The following MAN1A1 variants were observed in gnomAD, a reference collection of about 807,000 sequenced individuals.
The protein encoded by MAN1A1 is mannosyl-oligosaccharide 1,2-alpha-mannosidase IA.
A neutral mutation model predicts 70.8 loss-of-function variants in MAN1A1; 29 were observed. The ratio of observed to expected loss-of-function variants is 0.41; its 90% CI spans 0.31 to 0.56. The LOEUF (loss-of-function observed/expected upper bound fraction) is 0.56, where lower values mean the gene tolerates loss of function less well. Among genes scored for constraint, MAN1A1 ranks in the 20% least tolerant of loss-of-function variants. MAN1A1 has a pLI of 0.29. For synonymous variants in MAN1A1, 349 were observed against 330.1 expected (o/e 1.06, Z -0.62); for missense variants, 747 against 841.3 (o/e 0.89, Z 1.39).
At chr6:119,224,596 TTAACA>T (rs1156341346) in intron 6 of MAN1A1, among the ~76,000 whole-genome samples, 1 of 152,128 alleles carries the variant, frequency 6.6e-6, no homozygotes, top group Non-Finnish European at 1.5e-5. Context: ...CAAAAGCTAC[TTAACA>T]TATCTAAAAT....
intron 2 of MAN1A1, among the ~76,000 whole-genome samples, chr6:119,325,981 T>C (rs573478378): frequency 1.1e-4 from 17 of 152,270 alleles, no homozygotes; most frequent in African/African-American, 4.1e-4. Flanking sequence ...TGGGTAACAG[T>C]TTATGTTTGT....
At chr6:119,303,214 C>T (rs1193107816) in intron 3 of MAN1A1, among the ~76,000 whole-genome samples, 1 of 152,022 alleles carries the variant, frequency 6.6e-6, no homozygotes, top group African/African-American at 2.4e-5. Flanking sequence ...ACAGATGAGT[C>T]TTGCTATGTG....
chr6:119,288,355 T>C (rs1177973154), intron 5 of MAN1A1, among the ~76,000 whole-genome samples: 2 of 152,012 alleles, frequency 1.3e-5, no homozygotes, highest in East Asian at 3.8e-4. Flanking sequence ...GACACCTTAG[T>C]AAATTGTCTG....
chr6:119,196,524 T>C (rs1201621835), intron 8 of MAN1A1, among the ~76,000 whole-genome samples: 2 of 152,114 alleles, frequency 1.3e-5, no homozygotes, highest in African/African-American at 4.8e-5. Flanking sequence ...GGAAATAACA[T>C]AATATGGTAT....
intron 2 of MAN1A1, among the ~76,000 whole-genome samples, chr6:119,333,801 C>T (rs1424594875): frequency 4.6e-5 from 7 of 152,172 alleles, no homozygotes; most frequent in African/African-American, 1.7e-4. Context: ...CCATCTTCTT[C>T]CTAGTTTTCA....
intron 5 of MAN1A1, among the ~76,000 whole-genome samples, chr6:119,286,682 C>A (rs757294155): frequency 6.6e-6 from 1 of 152,046 alleles, no homozygotes; most frequent in Non-Finnish European, 1.5e-5. Flanking sequence ...AGTTCTTAAT[C>A]ATTTTGGCTT....
At chr6:119,237,727 T>A (rs1355274528) in intron 6 of MAN1A1, among the ~76,000 whole-genome samples, 1 of 152,192 alleles carries the variant, frequency 6.6e-6, no homozygotes, top group Non-Finnish European at 1.5e-5. Context: ...CTCAACTTTC[T>A]AGGTCCTGTC....
intron 2 of MAN1A1, among the ~76,000 whole-genome samples, chr6:119,321,225 T>C (rs1262090525): frequency 6.6e-6 from 1 of 152,230 alleles, no homozygotes; most frequent in Non-Finnish European, 1.5e-5. Context: ...AAACTGACTC[T>C]CTCACACTGT....
chr6:119,205,797 G>A (rs1158557365), intron 6 of MAN1A1, among the ~76,000 whole-genome samples: 1 of 152,204 alleles, frequency 6.6e-6, no homozygotes, highest in Admixed American at 6.5e-5. Flanking sequence ...TACACTTTTA[G>A]TTTAGATGCA....
chr6:119,243,979 A>T (rs144868106), intron 6 of MAN1A1, among the ~76,000 whole-genome samples: 28 of 152,226 alleles, frequency 1.8e-4, no homozygotes, highest in Non-Finnish European at 2.8e-4. Flanking sequence ...GTGATAAAAT[A>T]GTGTATAGCT....
chr6:119,181,855 T>A lies in MAN1A1; in HGVS notation c.1720-1428A>T, dbSNP rs188513171. 3.3e-5 allele frequency among the ~76,000 whole-genome samples: 5 copies of A among 152,356 alleles called. No individual in the cohort carries two copies. In the East Asian group the frequency reaches 7.7e-4, roughly 23 times the overall value. ...TCTTCTGTGGTGGATATACATCATC[T>A]TCTGATGTGGATACACATCATCTTC... is the stretch of plus-strand genomic sequence containing the variant. On this transcript the variant is annotated intron_variant, in intron 11 of 12. Coordinates refer to ENST00000368468, the MANE Select transcript of MAN1A1 (RefSeq NM_005907.4).
chr6:119,275,109 CTAGT>C (rs1413200668), intron 5 of MAN1A1, among the ~76,000 whole-genome samples: 1 of 151,446 alleles, frequency 6.6e-6, no homozygotes, highest in Non-Finnish European at 1.5e-5. Flanking sequence ...AAGGTTGCTG[CTAGT>C]TCATTTTTTT....
intron 2 of MAN1A1, among the ~76,000 whole-genome samples, chr6:119,344,885 A>G (rs186060979): frequency 1.1e-3 from 173 of 152,118 alleles, no homozygotes; most frequent in African/African-American, 4.1e-3. Context: ...ATAAAATACT[A>G]AAGTCTTGTT....
chr6:119,267,508 T>C (rs563882706), intron 5 of MAN1A1, among the ~76,000 whole-genome samples: 1 of 152,174 alleles, frequency 6.6e-6, no homozygotes, highest in Non-Finnish European at 1.5e-5. Context: ...TATGTAGTTA[T>C]TTCAAAATAT....
intron 5 of MAN1A1, among the ~76,000 whole-genome samples, chr6:119,254,460 G>A (rs1196739797): frequency 6.6e-6 from 1 of 152,118 alleles, no homozygotes; most frequent in Non-Finnish European, 1.5e-5. Flanking sequence ...AAATGTGACT[G>A]GGAAAAAAGC....
rs187072295 is a variant in MAN1A1 at position 119,322,686 on chromosome 6, C to A, written c.604-15694G>T. Among the ~76,000 whole-genome samples the A allele has an allele frequency of 9.2e-5, 14 of 152,280 alleles. No homozygotes were observed. The East Asian group carries it at 1.9e-3, about 21-fold the overall frequency. On this transcript the variant is annotated intron_variant, in intron 2 of 12. Coordinates refer to ENST00000368468, the MANE Select transcript of MAN1A1 (RefSeq NM_005907.4). ...CCCCAGTGTTTAATCCGTCTCTTTT[C>A]CCCAGATCAACTAATTATTGATGAA...
At chr6:119,250,997 C>T (rs1775303118) in intron 5 of MAN1A1, among the ~76,000 whole-genome samples, 1 of 152,126 alleles carries the variant, frequency 6.6e-6, no homozygotes, top group South Asian at 2.1e-4. Flanking sequence ...TTTTGATTTA[C>T]CGCCTCCATC....
At chr6:119,254,025 A>T (rs1178924702) in intron 5 of MAN1A1, among the ~76,000 whole-genome samples, 3 of 152,222 alleles carry the variant, frequency 2.0e-5, no homozygotes, top group Non-Finnish European at 4.4e-5. Flanking sequence ...TGAGGTTACT[A>T]GAGGAAGAAT....
chr6:119,246,157 T>A (rs979786951), intron 6 of MAN1A1, among the ~76,000 whole-genome samples: 1 of 152,170 alleles, frequency 6.6e-6, no homozygotes, highest in Non-Finnish European at 1.5e-5. Context: ...TTAAGCAATA[T>A]CAGCATCTCA....
Sources: allele counts gnomAD v4.1 joint callset (sites outside exome capture counted in the v4.1 genomes callset), GRCh38; gene constraint gnomAD v4.1.1; transcripts MANE v1.5; gene names NCBI Gene and HGNC (gene_info 2026-07-23, HGNC 2026-07-21).